The following ATP10D variants were observed in gnomAD, a reference collection of about 807,000 sequenced individuals.
ATP10D encodes phospholipid-transporting ATPase VD.
ATP10D carries 89 observed loss-of-function variants against 144.8 expected under a neutral mutation model. That is an observed-to-expected ratio of 0.61 (90% CI 0.52 to 0.73). The LOEUF (loss-of-function observed/expected upper bound fraction) is 0.73, where lower values mean the gene tolerates loss of function less well. Among genes scored for constraint, ATP10D ranks in the 30% least tolerant of loss-of-function variants. The probability of loss-of-function intolerance (pLI) is 0.00; values close to 1 mark genes in which losing one functional copy is unlikely to be tolerated. For missense variants in ATP10D, 1,603 were observed against 1,714.8 expected, an observed-to-expected ratio of 0.93 and a Z score of 1.15; for synonymous variants, 571 against 615.1, an observed-to-expected ratio of 0.93 and a Z score of 1.06.
At chr4:47,532,711 A>T (rs529445225) in intron 5 of ATP10D, among the ~76,000 whole-genome samples, 1 of 152,274 alleles carries the variant, frequency 6.6e-6, no homozygotes, top group Admixed American at 6.5e-5. Context: ...TTTGATCTTC[A>T]TGCTCTAAGG....
At chr4:47,580,586 G>A in intron 20 of ATP10D, 108 bp downstream of exon 20, 8 of 952,254 alleles carry the variant, frequency 8.4e-6, no homozygotes, top group Non-Finnish European at 1.2e-5. Context: ...CATATAATCA[G>A]GTTGATTATT....
rs1716630394 is a variant in ATP10D at position 47,515,580 on chromosome 4, C to CA, written c.397dup (p.Ile133AsnfsTer5). 1 of 1,612,934 alleles carries CA rather than the reference C, an allele frequency of 6.2e-7. No individual in the cohort carries two copies. The highest frequency in any genetic ancestry group is 1.3e-5 in the African/African-American group (1 of 74,846). ...ATGTTGCCTCTGGTGGTGGTCCTTA[C>CA]AATTATCGCAATTAAAGATGGCCTG... On this transcript the variant is annotated frameshift_variant, in exon 3 of 23. Transcript: ENST00000273859. LOFTEE classifies it high-confidence loss of function.
intron 9 of ATP10D, among the ~76,000 whole-genome samples, chr4:47,540,393 C>G (rs143693558): frequency 6.6e-6 from 1 of 152,156 alleles, no homozygotes; most frequent in Non-Finnish European, 1.5e-5. Context: ...ATCAGCAACA[C>G]CCGGGCATGC....
intron 11 of ATP10D, 151 bp downstream of exon 11, chr4:47,555,065 T>G: frequency 2.6e-6 from 2 of 756,894 alleles, no homozygotes; most frequent in Non-Finnish European, 4.2e-6. Flanking sequence ...TGCTCTGCAC[T>G]TACCATGGTC....
intron 1 of ATP10D, among the ~76,000 whole-genome samples, chr4:47,496,420 G>A (rs1715378533): frequency 6.6e-6 from 1 of 151,920 alleles, no homozygotes; most frequent in Admixed American, 6.5e-5. Flanking sequence ...GCCTCCCAAA[G>A]TGCTGGGATT....
chr4:47,486,540 C>T (rs1053510175), intron 1 of ATP10D, among the ~76,000 whole-genome samples: 4 of 152,170 alleles, frequency 2.6e-5, no homozygotes, highest in African/African-American at 9.7e-5. Context: ...ATAGCATCAT[C>T]GAAAACCCTT....
intron 3 of ATP10D, among the ~76,000 whole-genome samples, chr4:47,518,927 CT>C (rs1716812937): frequency 6.6e-6 from 1 of 152,126 alleles, no homozygotes; most frequent in Non-Finnish European, 1.5e-5. Flanking sequence ...AGTTACTTAA[CT>C]TGTCAAGGCC....
intron 9 of ATP10D, among the ~76,000 whole-genome samples, chr4:47,546,268 G>A (rs1056398576): frequency 2.0e-5 from 3 of 152,148 alleles, no homozygotes; most frequent in Non-Finnish European, 2.9e-5. Flanking sequence ...GGGAAGAATT[G>A]TAAGGGTGAA....
intron 1 of ATP10D, among the ~76,000 whole-genome samples, chr4:47,489,164 G>T (rs1714943110): frequency 6.6e-6 from 1 of 152,130 alleles, no homozygotes; most frequent in African/African-American, 2.4e-5. Context: ...ATTGTCTAAG[G>T]TTAGGGTAGA....
chr4:47,566,035 A>G (rs1296619915), intron 15 of ATP10D, among the ~76,000 whole-genome samples: 12 of 152,056 alleles, frequency 7.9e-5, no homozygotes, highest in Non-Finnish European at 1.6e-4. Context: ...TCCACCTCCC[A>G]CTCCTAGTCC....
intron 18 of ATP10D, among the ~76,000 whole-genome samples, chr4:47,575,951 A>G (rs1481007609): frequency 5.2e-5 from 3 of 57,474 alleles, no homozygotes; most frequent in African/African-American, 1.7e-4. Context: ...TTTTTTTTTG[A>G]GACGGAGTCT....
intron 3 of ATP10D, among the ~76,000 whole-genome samples, chr4:47,521,838 C>A (rs1357149576): frequency 1.3e-5 from 2 of 152,148 alleles, no homozygotes; most frequent in Non-Finnish European, 2.9e-5. Flanking sequence ...ACCAATAAAC[C>A]CTTCAGATAA....
At chr4:47,557,608 A>C in intron 11 of ATP10D, 56 bp from the exon 12 acceptor site, 1 of 1,456,550 alleles carries the variant, frequency 6.9e-7, no homozygotes, top group African/African-American at 1.4e-5. Context: ...TTGCCTTCAA[A>C]GTTGTTAGAA....
At chr4:47,521,761 T>A (rs1237463981) in intron 3 of ATP10D, among the ~76,000 whole-genome samples, 2 of 152,242 alleles carry the variant, frequency 1.3e-5, no homozygotes, top group African/African-American at 4.8e-5. Context: ...AATGAACTGA[T>A]ATGCACAGAC....
At chr4:47,588,747 C>T (rs1054338448) in intron 22 of ATP10D, among the ~76,000 whole-genome samples, 1 of 152,178 alleles carries the variant, frequency 6.6e-6, no homozygotes, top group African/African-American at 2.4e-5. Context: ...CTATAGTGCT[C>T]ACTGCTATTG....
intron 21 of ATP10D, chr4:47,583,336 T>G (rs1188855027): frequency 6.6e-6 from 1 of 152,246 alleles, no homozygotes; most frequent in East Asian, 1.9e-4. Flanking sequence ...TTTTGGGTTA[T>G]GTTTACCGTC....
intron 4 of ATP10D, among the ~76,000 whole-genome samples, chr4:47,524,398 T>TG (rs138637807): frequency 0.13 from 19,661 of 152,176 alleles, 1,516 homozygotes; most frequent in South Asian, 0.24. Flanking sequence ...GTGATTGATA[T>TG]GCCTCCTAGA....
chr4:47,537,532 A>G (rs1170603170), intron 9 of ATP10D, among the ~76,000 whole-genome samples: 1 of 152,176 alleles, frequency 6.6e-6, no homozygotes. Context: ...CTACTCTCCC[A>G]AGGTTAACCA....
intron 5 of ATP10D, among the ~76,000 whole-genome samples, chr4:47,534,371 C>A (rs1372934384): frequency 1.3e-5 from 2 of 152,126 alleles, no homozygotes; most frequent in Non-Finnish European, 2.9e-5. Context: ...TGGAAAATAG[C>A]AAACATGTAT....
Sources: gnomAD v4.1 joint callset for allele counts (sites outside exome capture counted in the v4.1 genomes callset) on GRCh38, gnomAD v4.1.1 for gene constraint, MANE v1.5 for transcripts, NCBI Gene and HGNC (gene_info 2026-07-23, HGNC 2026-07-21) for gene names.